Variants in NF1 observed in about 807,000 individuals in gnomAD.
The protein encoded by NF1 is neurofibromin.
NF1 carries 122 observed loss-of-function variants against 325.7 expected under a neutral mutation model. The ratio of observed to expected loss-of-function variants is 0.37; its 90% CI spans 0.32 to 0.44. The LOEUF is 0.44. Ranked by LOEUF, NF1 falls within the 20% of genes least tolerant of loss-of-function variation. NF1 has a pLI of 1.00. For missense variants in NF1, 2,140 were observed against 3,415.4 expected, an observed-to-expected ratio of 0.63 and a Z score of 9.31; for synonymous variants, 1,091 against 1,186.0, an observed-to-expected ratio of 0.92 and a Z score of 1.65.
chr17:31,122,975 C>G (rs950361627), intron 1 of NF1, among the ~76,000 whole-genome samples: 8 of 152,038 alleles, frequency 5.3e-5, no homozygotes, highest in Admixed American at 5.2e-4. Context: ...GGTAAGTAAC[C>G]TGGCCATTAG....
chr17:31,365,297 A>AAAAAAG (rs397975647), intron 57 of NF1, among the ~76,000 whole-genome samples: 35 of 148,740 alleles, frequency 2.4e-4, no homozygotes, highest in African/African-American at 8.7e-4. Context: ...AAAAAAAAAA[A>AAAAAAG]GAAGGAAAGA....
chr17:31,114,630 C>T (rs773401919), intron 1 of NF1, among the ~76,000 whole-genome samples: 29 of 151,560 alleles, frequency 1.9e-4, no homozygotes, highest in Non-Finnish European at 3.7e-4. Flanking sequence ...CTGAGGTGGG[C>T]AGGTCACAAG....
rs1555613190 is a variant in NF1, at chr17:31,221,858, G to C, written c.1650G>C (p.Leu550=). 2.5e-6 allele frequency: 4 copies of C among 1,605,026 alleles called. No individual in the cohort carries two copies. The highest frequency in any genetic ancestry group is 3.4e-6 in the Non-Finnish European group (4 of 1,178,260). The change falls in exon 15 of 58, where the codon CTG becomes CTC. Residue 550 remains leucine (L), a synonymous_variant. Transcript: ENST00000358273. The part of the protein sequence containing the change: ...EIAQEAMEAL[L]VLHQLDSIDL... ...TTTTTTAAAAAATTCAGGCTCTGCTGGTTCTTCATCAGTTAGATAGCATTG... is the reference window on the plus strand; with the variant it reads ...TTTTTTAAAAAATTCAGGCTCTGCTCGTTCTTCATCAGTTAGATAGCATTG...
chr17:31,252,615 C>T (rs1012272059), intron 30 of NF1: 16 of 302,310 alleles, frequency 5.3e-5, no homozygotes, highest in African/African-American at 3.4e-4. Context: ...TTACATTTCT[C>T]AAAAGCTAGG....
intron 56 of NF1, chr17:31,359,296 T>G: frequency 2.3e-6 from 1 of 429,520 alleles, no homozygotes; most frequent in African/African-American, 2.0e-5. Context: ...CACAGTCCCT[T>G]GTGTATTTGA....
intron 14 of NF1, 95 bp from the exon 15 acceptor site, chr17:31,221,755 T>C: frequency 9.5e-6 from 8 of 846,214 alleles, no homozygotes; most frequent in Non-Finnish European, 1.4e-5. Flanking sequence ...GAGCTCAATT[T>C]CTTAGCATTT....
intron 8 of NF1, among the ~76,000 whole-genome samples, chr17:31,197,367 A>G (rs1175170970): frequency 1.3e-5 from 2 of 149,780 alleles, no homozygotes; most frequent in Non-Finnish European, 3.0e-5. Context: ...TTTTTTTGCA[A>G]AAAATACCAT....
At chr17:31,340,764 A>T in intron 47 of NF1, 119 bp downstream of exon 47, 2 of 1,042,256 alleles carry the variant, frequency 1.9e-6, no homozygotes, top group Non-Finnish European at 2.9e-6. Context: ...AATTTGTATA[A>T]TGTAACTTAT....
At chr17:31,172,272 G>A (rs2065939443) in intron 5 of NF1, among the ~76,000 whole-genome samples, 1 of 152,094 alleles carries the variant, frequency 6.6e-6, no homozygotes, top group South Asian at 2.1e-4. Context: ...TGAGGTTGCA[G>A]TAAGCTGTGA....
intron 36 of NF1, chr17:31,295,659 T>G: frequency 6.2e-7 from 1 of 1,614,130 alleles, no homozygotes. Flanking sequence ...GACCACCTGT[T>G]ATTGTAAAGG....
At chr17:31,107,407 G>T (rs1912953297) in intron 1 of NF1, among the ~76,000 whole-genome samples, 1 of 152,002 alleles carries the variant, frequency 6.6e-6, no homozygotes, top group Admixed American at 6.6e-5. Context: ...ACTACCCACA[G>T]GTGCATGCCA....
chr17:31,296,783 A>T (rs1025556669), intron 36 of NF1: 1 of 201,924 alleles, frequency 5.0e-6, no homozygotes, highest in Non-Finnish European at 1.0e-5. Context: ...ATGTAATTCA[A>T]TGTGTGTATA....
rs1171161386 is a variant in NF1 at position 31,175,107 on chromosome 17, CAA to C, written c.586+5134_586+5135del. ...TGAGCGACAGAGCAAGACTCCATCT[CAA>C]AAAAAAAAAAAAAAAAAAAAAAAGA... On this transcript the variant is annotated intron_variant, in intron 5 of 57. Transcript: ENST00000358273. 8.3e-4 allele frequency among the ~76,000 whole-genome samples: 24 copies of C among 29,038 alleles called. No homozygotes were observed. The East Asian group carries it at 9.7e-3, about 12-fold the overall frequency. 19.1% of individuals were successfully genotyped at this position (29,038 alleles called of 152,430 possible).
At chr17:31,227,187 A>G (rs141082540) in intron 18 of NF1, 31 bp from the exon 19 acceptor site, 5 of 1,609,850 alleles carry the variant, frequency 3.1e-6, no homozygotes, top group Non-Finnish European at 4.3e-6. Context: ...CTCTAAGTGC[A>G]GTAACTTGAT....
At chr17:31,252,644 T>C (rs1597738558) in intron 30 of NF1, 1 of 362,164 alleles carries the variant, frequency 2.8e-6, no homozygotes, top group East Asian at 4.2e-5. Context: ...AAAATGTAAA[T>C]ATTTAATATC....
intron 29 of NF1, among the ~76,000 whole-genome samples, chr17:31,248,576 C>T (rs1420186875): frequency 6.6e-6 from 1 of 151,986 alleles, no homozygotes; most frequent in Non-Finnish European, 1.5e-5. Context: ...GCCCTTTCAT[C>T]CAAGCTGGAG....
intron 1 of NF1, among the ~76,000 whole-genome samples, chr17:31,147,707 C>T (rs908530588): frequency 2.0e-5 from 3 of 152,134 alleles, no homozygotes; most frequent in Non-Finnish European, 2.9e-5. Flanking sequence ...ACACAGCCTT[C>T]GAGGGCTTAT....
chr17:31,267,263 T>C (rs923589386), intron 36 of NF1, among the ~76,000 whole-genome samples: 1 of 152,156 alleles, frequency 6.6e-6, no homozygotes, highest in African/African-American at 2.4e-5. Context: ...AGTTTATTTT[T>C]CCAAATCTGT....
chr17:31,374,393 G>T lies in NF1; in HGVS notation c.*238G>T, dbSNP rs2070702565. On this transcript the variant is annotated 3_prime_UTR_variant, in exon 58 of 58. Transcript: ENST00000358273. Reference sequence around the variant, plus strand: ...TGGCGTGTATCTGGTATATGTAAGTGTTCAGAACAACTGCAAAGAAAGTGG... The same window carrying T: ...TGGCGTGTATCTGGTATATGTAAGTTTTCAGAACAACTGCAAAGAAAGTGG... 1.8e-6 allele frequency: 1 copy of T among 547,880 alleles called. No homozygotes were observed. The highest frequency in any genetic ancestry group is 3.1e-5 in the Admixed American group (1 of 32,230). 33.9% of individuals were successfully genotyped at this position (547,880 alleles called of 1,614,324 possible). A position where few individuals can be genotyped will look rare whatever the true frequency, so the allele number is the denominator to read the frequency against.
Sources: gnomAD v4.1 joint callset for allele counts (sites outside exome capture counted in the v4.1 genomes callset) on GRCh38, gnomAD v4.1.1 for gene constraint, MANE v1.5 for transcripts, NCBI Gene and HGNC (gene_info 2026-07-23, HGNC 2026-07-21) for gene names.